The following SEMA6D variants were observed in gnomAD, a reference collection of about 807,000 sequenced individuals.
SEMA6D encodes the protein semaphorin 6D, also known as semaphorin-6D.
In SEMA6D, 35 loss-of-function variants were observed where a neutral mutation model predicts 106.6. That is an observed-to-expected ratio of 0.33 (90% CI 0.25 to 0.44). The LOEUF is 0.44. Among genes scored for constraint, SEMA6D ranks in the 20% least tolerant of loss-of-function variants. The pLI is 1.00. For synonymous variants in SEMA6D, 499 were observed against 487.7 expected (o/e 1.02, Z -0.31); for missense variants, 1,185 against 1,345.9 (o/e 0.88, Z 1.87).
At chr15:47,362,176 A>G (rs961229609) in intron 1 of SEMA6D, among the ~76,000 whole-genome samples, 3 of 152,166 alleles carry the variant, frequency 2.0e-5, no homozygotes, top group African/African-American at 7.2e-5. Flanking sequence ...TGGAGACACA[A>G]AGAAAGGGGA....
intron 1 of SEMA6D, among the ~76,000 whole-genome samples, chr15:47,410,810 C>T (rs1300515515): frequency 6.6e-6 from 1 of 152,176 alleles, no homozygotes; most frequent in Non-Finnish European, 1.5e-5. Flanking sequence ...ATTCTCAATA[C>T]TTGCCCAAAT....
intron 3 of SEMA6D, among the ~76,000 whole-genome samples, chr15:47,478,371 A>G (rs1429240203): frequency 6.6e-6 from 1 of 152,192 alleles, no homozygotes; most frequent in Non-Finnish European, 1.5e-5. Context: ...GCATGTAATT[A>G]AAGTAATTAC....
chr15:47,192,623 A>G (rs1894043183), intron 1 of SEMA6D, among the ~76,000 whole-genome samples: 2 of 152,214 alleles, frequency 1.3e-5, no homozygotes, highest in South Asian at 4.1e-4. Flanking sequence ...AATGAATGAT[A>G]TAGTGTAAAA....
intron 1 of SEMA6D, among the ~76,000 whole-genome samples, chr15:47,255,975 T>C (rs1206497489): frequency 6.6e-6 from 1 of 152,194 alleles, no homozygotes; most frequent in African/African-American, 2.4e-5. Flanking sequence ...TGAATTGCTT[T>C]TTCACCACTC....
chr15:47,424,782 A>G (rs974678948), intron 2 of SEMA6D, among the ~76,000 whole-genome samples: 1 of 152,144 alleles, frequency 6.6e-6, no homozygotes, highest in Non-Finnish European at 1.5e-5. Context: ...AACTGACAAT[A>G]GATTAACAGG....
At chr15:47,648,552 C>T (rs1004575013) in intron 4 of SEMA6D, among the ~76,000 whole-genome samples, 1 of 152,090 alleles carries the variant, frequency 6.6e-6, no homozygotes, top group Non-Finnish European at 1.5e-5. Context: ...TTAGGGAGCC[C>T]GCCCTATTTG....
intron 1 of SEMA6D, among the ~76,000 whole-genome samples, chr15:47,353,680 G>A (rs1485555404): frequency 6.6e-6 from 1 of 151,992 alleles, no homozygotes; most frequent in Non-Finnish European, 1.5e-5. Context: ...TGGAGCCTGG[G>A]GAATATATTA....
intron 2 of SEMA6D, among the ~76,000 whole-genome samples, chr15:47,441,066 A>G (rs1229151889): frequency 2.6e-5 from 4 of 152,032 alleles, no homozygotes; most frequent in African/African-American, 9.7e-5. Flanking sequence ...CCATGGCAGC[A>G]TTGTGAGGTT....
At chr15:47,659,284 A>G (rs2077868780) in intron 4 of SEMA6D, among the ~76,000 whole-genome samples, 1 of 151,968 alleles carries the variant, frequency 6.6e-6, no homozygotes. Flanking sequence ...AGAGTCTGGT[A>G]ATAGATCCAA....
chr15:47,227,657 G>C (rs2031833255), intron 1 of SEMA6D, among the ~76,000 whole-genome samples: 1 of 149,180 alleles, frequency 6.7e-6, no homozygotes, highest in South Asian at 2.1e-4. Flanking sequence ...GTGTGTAAAA[G>C]GTAGATATCT....
At chr15:47,693,443 G>T (rs925019392) in intron 4 of SEMA6D, among the ~76,000 whole-genome samples, 1 of 152,130 alleles carries the variant, frequency 6.6e-6, no homozygotes, top group African/African-American at 2.4e-5. Flanking sequence ...ATAACCTTAG[G>T]TGGAAGGAAC....
intron 3 of SEMA6D, among the ~76,000 whole-genome samples, chr15:47,497,741 T>G (rs2043715451): frequency 6.6e-6 from 1 of 152,120 alleles, no homozygotes; most frequent in African/African-American, 2.4e-5. Flanking sequence ...CACCTTCTGC[T>G]ATAACTAGTA....
intron 3 of SEMA6D, among the ~76,000 whole-genome samples, chr15:47,485,982 A>T (rs1459681059): frequency 6.6e-6 from 1 of 152,228 alleles, no homozygotes; most frequent in Non-Finnish European, 1.5e-5. Flanking sequence ...ACCACTCCGT[A>T]GTAAACTAAG....
intron 4 of SEMA6D, among the ~76,000 whole-genome samples, chr15:47,667,738 C>T (rs1230694542): frequency 6.6e-6 from 1 of 152,144 alleles, no homozygotes; most frequent in Non-Finnish European, 1.5e-5. Context: ...TTTATAACAG[C>T]ACTCACCTCC....
chr15:47,768,729 T>A lies in SEMA6D; in HGVS notation c.1914T>A (p.Pro638=), dbSNP rs774584347. Residue 638 remains proline, a synonymous_variant, in exon 18 of 19, where the codon CCT becomes CCA. Transcript: ENST00000536845. The part of the protein sequence containing the change: ...DDPNTSDFTD[P]LSGIPKGVRW... ...CAAACACTTCTGATTTTACTGATCC[T>A]TTATCGGGTATCCCAAAGGGTAAGG... 16 of 1,613,232 alleles carry A rather than the reference T, an allele frequency of 9.9e-6. No homozygotes were observed. The East Asian group carries it at 3.6e-4, about 36-fold the overall frequency.
intron 3 of SEMA6D, among the ~76,000 whole-genome samples, chr15:47,556,434 C>T (rs1454739852): frequency 6.6e-6 from 1 of 152,068 alleles, no homozygotes; most frequent in Non-Finnish European, 1.5e-5. Context: ...ATAAATTTTT[C>T]TGAGAACGCT....
At chr15:47,368,043 C>T (rs762835901) in intron 1 of SEMA6D, among the ~76,000 whole-genome samples, 7 of 151,672 alleles carry the variant, frequency 4.6e-5, no homozygotes, top group Non-Finnish European at 7.4e-5. Flanking sequence ...AGTAGAAGAA[C>T]AAGCCTTTTA....
At chr15:47,362,743 G>C (rs985650479) in intron 1 of SEMA6D, among the ~76,000 whole-genome samples, 20 of 151,962 alleles carry the variant, frequency 1.3e-4, no homozygotes, top group African/African-American at 1.9e-4. Context: ...CTGAGGAAGA[G>C]GGGGAGGAGG....
Position 47,516,754 on chromosome 15 carries a change from C to T in SEMA6D, c.-87+46209C>T, listed in dbSNP as rs191649110. 5.6e-3 allele frequency among the ~76,000 whole-genome samples: 845 copies of T among 152,198 alleles called. 5 individuals carry two copies. The highest frequency in any genetic ancestry group is 0.015 in the Admixed American group (228 of 15,292). ...GGAAGAGGACATCATCAAAGTGATGCGTATTGATGAGTCATAAGATTTGCT... is the reference window on the plus strand; with the variant it reads ...GGAAGAGGACATCATCAAAGTGATGTGTATTGATGAGTCATAAGATTTGCT... On this transcript the variant is annotated intron_variant, in intron 3 of 19. Transcript: ENST00000558014.
Sources: gnomAD v4.1 joint callset for allele counts (sites outside exome capture counted in the v4.1 genomes callset) on GRCh38, gnomAD v4.1.1 for gene constraint, MANE v1.5 for transcripts, NCBI Gene and HGNC (gene_info 2026-07-23, HGNC 2026-07-21) for gene names.